The following CACNA1I variants were observed in gnomAD, a reference collection of about 807,000 sequenced individuals.
CACNA1I encodes voltage-dependent T-type calcium channel subunit alpha-1I.
CACNA1I carries 74 observed loss-of-function variants against 201.6 expected under a neutral mutation model. The ratio of observed to expected loss-of-function variants is 0.37; its 90% CI spans 0.30 to 0.45. The LOEUF is 0.45. Ranked by LOEUF, CACNA1I falls within the 20% of genes least tolerant of loss-of-function variation. The pLI is 1.00. For synonymous variants in CACNA1I, 1,431 were observed against 1,345.2 expected (o/e 1.06, Z -1.40); for missense variants, 2,346 against 3,138.1 (o/e 0.75, Z 6.03).
At chr22:39,598,285 C>CACCG in intron 2 of CACNA1I, 23 bp downstream of exon 2, 1 of 1,304,972 alleles carries the variant, frequency 7.7e-7, no homozygotes, top group Admixed American at 2.1e-5. Context: ...CCCCGCCCCG[C>CACCG]CCCGCCCTGC....
At chr22:39,658,002 G>T in intron 10 of CACNA1I, 150 bp from the exon 11 acceptor site, 1 of 758,906 alleles carries the variant, frequency 1.3e-6, no homozygotes, top group Non-Finnish European at 2.2e-6. Flanking sequence ...AGGGGCCCTC[G>T]GGGCCTTGTG....
chr22:39,624,457 G>A (rs959787974), intron 4 of CACNA1I, among the ~76,000 whole-genome samples: 4 of 152,200 alleles, frequency 2.6e-5, no homozygotes, highest in Admixed American at 2.0e-4. Flanking sequence ...AGTGGCCACC[G>A]CTGGGCAGTT....
chr22:39,576,564 G>C (rs1273531949), intron 1 of CACNA1I, among the ~76,000 whole-genome samples: 4 of 152,218 alleles, frequency 2.6e-5, no homozygotes. Context: ...TCCAGGCAGT[G>C]GGGCAGTGGC....
intron 10 of CACNA1I, 147 bp downstream of exon 10, chr22:39,650,072 A>G (rs136828): frequency 0.27 from 220,216 of 821,416 alleles, 37,832 homozygotes; most frequent in East Asian, 0.81. Context: ...CAGTTCATCC[A>G]TGTGACCTTA....
chr22:39,646,114 G>A (rs1044176698), intron 7 of CACNA1I, among the ~76,000 whole-genome samples: 2 of 151,990 alleles, frequency 1.3e-5, no homozygotes, highest in South Asian at 2.1e-4. Context: ...GATTCCGGTC[G>A]GGCCCAGGGA....
chr22:39,649,327 G>A lies in CACNA1I; in HGVS notation c.1568-174G>A, dbSNP rs924155710. 6.6e-6 allele frequency among the ~76,000 whole-genome samples: 1 copy of A among 152,250 alleles called. No individual in the cohort carries two copies. Among genetic ancestry groups the A allele is most frequent in the African/African-American group, 2.4e-5 (1 of 41,464 alleles). ...AACTTCTACAACAGGGGCAGACAAA[G>A]CTCAGAGAGCTGCAGCCGCTTCCCC... is the stretch of plus-strand genomic sequence containing the variant. On this transcript the variant is annotated intron_variant, in intron 9 of 36. Transcript: ENST00000402142. This position sits in a 1 kb window ranked among gnomAD's most constrained non-coding sequence, Gnocchi z 7.3.
intron 24 of CACNA1I, 24 bp downstream of exon 24, chr22:39,668,405 A>C (rs777346181): frequency 6.7e-7 from 1 of 1,492,752 alleles, no homozygotes; most frequent in South Asian, 1.1e-5. Flanking sequence ...GGACCAGGCC[A>C]AGCCTTGATG....
intron 10 of CACNA1I, among the ~76,000 whole-genome samples, chr22:39,652,237 C>T (rs1483044517): frequency 6.6e-6 from 1 of 152,194 alleles, no homozygotes; most frequent in Non-Finnish European, 1.5e-5. Flanking sequence ...CTCAGGTGAT[C>T]TGCCTGTCTC....
At chr22:39,682,711 C>T in intron 35 of CACNA1I, 50 bp downstream of exon 35, 1 of 1,544,174 alleles carries the variant, frequency 6.5e-7, no homozygotes, top group Non-Finnish European at 8.8e-7. Flanking sequence ...TCTTGGGCAT[C>T]TGCTTCAGAG....
At chr22:39,608,004 C>T (rs932462243) in intron 3 of CACNA1I, among the ~76,000 whole-genome samples, 1 of 151,716 alleles carries the variant, frequency 6.6e-6, no homozygotes, top group Middle Eastern at 3.4e-3. Context: ...CCTGTAATCC[C>T]AGCGGGAGGC....
intron 27 of CACNA1I, among the ~76,000 whole-genome samples, chr22:39,672,594 T>G (rs567818675): frequency 6.6e-6 from 1 of 152,256 alleles, no homozygotes; most frequent in South Asian, 2.1e-4. Context: ...TACTCCTTTT[T>G]GAAGGGAATA....
intron 5 of CACNA1I, among the ~76,000 whole-genome samples, chr22:39,636,195 G>A (rs543585230): frequency 3.3e-5 from 5 of 152,294 alleles, no homozygotes; most frequent in African/African-American, 1.2e-4. Context: ...TCTGCGTCCC[G>A]TTCCCTGATG....
chr22:39,639,971 C>T (rs1396836900), intron 5 of CACNA1I, among the ~76,000 whole-genome samples: 8 of 152,210 alleles, frequency 5.3e-5, no homozygotes, highest in Admixed American at 5.2e-4. Flanking sequence ...CTAGAACCAT[C>T]TGGGCAGGCT....
At chr22:39,643,451 C>A (rs948616691) in intron 7 of CACNA1I, 1 of 156,672 alleles carries the variant, frequency 6.4e-6, no homozygotes. Context: ...CTCTTGCCTG[C>A]ACCCCCATAT....
intron 3 of CACNA1I, among the ~76,000 whole-genome samples, chr22:39,603,207 C>G (rs1036437631): frequency 2.0e-5 from 3 of 151,536 alleles, no homozygotes; most frequent in African/African-American, 7.3e-5. Flanking sequence ...GTTCTTCCAT[C>G]TCTTCTTTGA....
intron 10 of CACNA1I, among the ~76,000 whole-genome samples, chr22:39,655,562 G>A (rs1323629124): frequency 6.6e-6 from 1 of 152,122 alleles, no homozygotes; most frequent in Non-Finnish European, 1.5e-5. Context: ...TGGTGTCACT[G>A]CTTCGTTGTC....
intron 1 of CACNA1I, among the ~76,000 whole-genome samples, chr22:39,579,733 G>A (rs941402359): frequency 8.6e-5 from 13 of 151,452 alleles, no homozygotes; most frequent in Non-Finnish European, 1.9e-4. Flanking sequence ...TGCAACCTCT[G>A]CCTTCCAGAT....
At chr22:39,678,841 C>T (rs992468682) in intron 31 of CACNA1I, among the ~76,000 whole-genome samples, 21 of 152,216 alleles carry the variant, frequency 1.4e-4, no homozygotes, top group Non-Finnish European at 2.9e-5. Flanking sequence ...CCCGGGGAAG[C>T]AGGCCAGCTG....
chr22:39,685,864 G>A lies in CACNA1I; in HGVS notation c.6131G>A (p.Arg2044His), dbSNP rs774503219. 1.2e-5 allele frequency: 17 copies of A among 1,472,328 alleles called. No individual in the cohort carries two copies. The South Asian group carries it at 1.9e-4, about 17-fold the overall frequency. 91.2% of individuals were successfully genotyped at this position (1,472,328 alleles called of 1,614,324 possible). A position where few individuals can be genotyped will look rare whatever the true frequency, so the allele number is the denominator to read the frequency against. The change falls in exon 37 of 37, where the codon CGT (arginine) becomes CAT (histidine). Residue 2044 changes from arginine (R) to histidine (H), a missense_variant. Physicochemically the swap from Arg to His is conservative, Grantham distance 29. Transcript: ENST00000402142. This position sits in a 1 kb window ranked among gnomAD's most constrained non-coding sequence, Gnocchi z 5.0. ...DSLTLSDSPR[R>H]ALGPPAPAPG... ...CTGACCCTGAGCGACAGCCCCCGGCGTGCCCTGGGGCCGCCCGCGCCTGCT... is the reference window on the plus strand; with the variant it reads ...CTGACCCTGAGCGACAGCCCCCGGCATGCCCTGGGGCCGCCCGCGCCTGCT...
Sources: allele counts gnomAD v4.1 joint callset (sites outside exome capture counted in the v4.1 genomes callset), GRCh38; gene constraint gnomAD v4.1.1; non-coding constraint Gnocchi (gnomAD v3.1); transcripts MANE v1.5; gene names NCBI Gene and HGNC (gene_info 2026-07-23, HGNC 2026-07-21).